The following CDKAL1 variants were observed in gnomAD, a reference collection of about 807,000 sequenced individuals.
CDKAL1 encodes CDKAL1 threonylcarbamoyladenosine tRNA methylthiotransferase, also known as threonylcarbamoyladenosine tRNA methylthiotransferase.
A neutral mutation model predicts 68.2 loss-of-function variants in CDKAL1; 32 were observed. That is an observed-to-expected ratio of 0.47 (90% CI 0.35 to 0.63). The LOEUF (loss-of-function observed/expected upper bound fraction) is 0.63. Ranked by LOEUF, CDKAL1 falls within the 30% of genes least tolerant of loss-of-function variation. The pLI, the probability that CDKAL1 is intolerant of heterozygous loss-of-function variation, is 0.00. For synonymous variants in CDKAL1, 234 were observed against 244.3 expected, an observed-to-expected ratio of 0.96 and a Z score of 0.39; for missense variants, 606 against 696.7, an observed-to-expected ratio of 0.87 and a Z score of 1.47.
intron 11 of CDKAL1, among the ~76,000 whole-genome samples, chr6:21,004,572 A>G (rs922562673): frequency 6.6e-6 from 1 of 152,208 alleles, no homozygotes; most frequent in Non-Finnish European, 1.5e-5. Flanking sequence ...TTTTATCTAA[A>G]TGGATAAGAT....
intron 5 of CDKAL1, among the ~76,000 whole-genome samples, chr6:20,684,177 C>T (rs1018504722): frequency 1.3e-5 from 2 of 152,190 alleles, no homozygotes; most frequent in Non-Finnish European, 2.9e-5. Flanking sequence ...TGTGTTGGCT[C>T]ATGCCTGTAA....
chr6:21,105,521 A>C (rs949584958), intron 12 of CDKAL1, among the ~76,000 whole-genome samples: 12 of 152,232 alleles, frequency 7.9e-5, no homozygotes, highest in Non-Finnish European at 1.5e-4. Context: ...GAGTGTGTAC[A>C]AATGATTTTA....
intron 11 of CDKAL1, among the ~76,000 whole-genome samples, chr6:21,004,496 A>C (rs1036717737): frequency 6.6e-6 from 1 of 152,238 alleles, no homozygotes; most frequent in Non-Finnish European, 1.5e-5. Flanking sequence ...ATGAGCAATC[A>C]TATGACTTAA....
At chr6:20,943,654 T>C (rs1351935593) in intron 9 of CDKAL1, among the ~76,000 whole-genome samples, 6 of 149,080 alleles carry the variant, frequency 4.0e-5, no homozygotes. Context: ...TATCTTCTTT[T>C]GTTTTTTTTT....
At chr6:21,168,519 A>G (rs539674662) in intron 13 of CDKAL1, among the ~76,000 whole-genome samples, 6 of 152,356 alleles carry the variant, frequency 3.9e-5, no homozygotes, top group Admixed American at 1.3e-4. Flanking sequence ...TCTTTTTTAT[A>G]TAATTGCACA....
rs143413103 is a variant in CDKAL1 at position 21,094,678 on chromosome 6, G to A, written c.1237-13723G>A. 8.1e-3 allele frequency among the ~76,000 whole-genome samples: 1,231 copies of A among 152,338 alleles called. 13 individuals are homozygous for A. Among genetic ancestry groups the A allele is most frequent in the African/African-American group, 0.028 (1,169 of 41,574 alleles). On this transcript the variant is annotated intron_variant, in intron 12 of 15. Transcript: ENST00000274695. ...AAAACATAAAAGTAAAGATGTTTAT[G>A]GTCTTGGTTGTTAGTGATAGAAGAA... is the stretch of plus-strand genomic sequence containing the variant.
chr6:20,544,552 C>T (rs374921074), intron 2 of CDKAL1, among the ~76,000 whole-genome samples: 22 of 135,992 alleles, frequency 1.6e-4, no homozygotes, highest in South Asian at 1.2e-3. Context: ...GTCGAGATCG[C>T]GCCACTGCAC....
chr6:20,749,022 A>C (rs1199759091), intron 6 of CDKAL1, among the ~76,000 whole-genome samples: 1 of 140,980 alleles, frequency 7.1e-6, no homozygotes, highest in African/African-American at 2.8e-5. Flanking sequence ...AAATGTATTC[A>C]CTTCTTTTAC....
intron 8 of CDKAL1, among the ~76,000 whole-genome samples, chr6:20,810,402 A>T (rs1471086864): frequency 6.2e-4 from 19 of 30,412 alleles, no homozygotes; most frequent in South Asian, 4.5e-3. Flanking sequence ...TCACACACAC[A>T]CACACACACA....
At position 20,539,375 on chromosome 6, in the gene CDKAL1, C is replaced by T. The variant is rs1014632540; in HGVS notation, c.-6+3981C>T. Among the ~76,000 whole-genome samples the T allele has an allele frequency of 3.3e-5, 5 of 152,004 alleles. No homozygotes were observed. The highest frequency in any genetic ancestry group is 2.1e-4 in the South Asian group (1 of 4,820). Reference sequence around the variant, plus strand: ...CCTCACACGAAAACCTTTACCCTCACGAAGTATGTATTCTAGTAAGATAAA... The same window carrying T: ...CCTCACACGAAAACCTTTACCCTCATGAAGTATGTATTCTAGTAAGATAAA... On this transcript the variant is annotated intron_variant, in intron 2 of 15. Coordinates refer to ENST00000274695, the MANE Select transcript of CDKAL1 (RefSeq NM_017774.3). The surrounding 1 kb of genome is among the most constrained non-coding windows in gnomAD (Gnocchi z 4.3).
intron 11 of CDKAL1, among the ~76,000 whole-genome samples, chr6:21,011,006 C>G (rs772912146): frequency 1.6e-4 from 24 of 146,020 alleles, no homozygotes; most frequent in Non-Finnish European, 3.1e-4. Context: ...GGTGTGAACC[C>G]GGGAGGTGGA....
At position 21,110,590 on chromosome 6, in the gene CDKAL1, C is replaced by T. The variant is rs115264036; in HGVS notation, c.1299+2127C>T. Among the ~76,000 whole-genome samples, 592 of 152,220 alleles carry T rather than the reference C, an allele frequency of 3.9e-3. 6 individuals carry two copies. Among genetic ancestry groups the T allele is most frequent in the African/African-American group, 0.014 (567 of 41,538 alleles). ...ATCTCATGCTCAGTGAGATTTCTGG[C>T]GTGATCCTTATGAAAATATATACAT... On this transcript the variant is annotated intron_variant, in intron 13 of 15. Coordinates refer to ENST00000274695, the MANE Select transcript of CDKAL1 (RefSeq NM_017774.3).
chr6:21,009,486 A>T (rs1767901104), intron 11 of CDKAL1, among the ~76,000 whole-genome samples: 1 of 152,222 alleles, frequency 6.6e-6, no homozygotes, highest in African/African-American at 2.4e-5. Context: ...TATGTGCTAC[A>T]GCAGTCCCAC....
chr6:20,920,850 C>T (rs995642380), intron 9 of CDKAL1, among the ~76,000 whole-genome samples: 5 of 152,114 alleles, frequency 3.3e-5, no homozygotes, highest in East Asian at 1.9e-4. Context: ...GAGATACTGG[C>T]CCAGTCATTT....
At chr6:21,081,016 CAT>C (rs1772366879) in intron 12 of CDKAL1, among the ~76,000 whole-genome samples, 1 of 152,154 alleles carries the variant, frequency 6.6e-6, no homozygotes. Context: ...AATGAGGAAT[CAT>C]ATATGCTTTG....
chr6:20,761,482 G>C (rs942963785), intron 7 of CDKAL1, among the ~76,000 whole-genome samples: 14 of 152,158 alleles, frequency 9.2e-5, no homozygotes, highest in African/African-American at 3.4e-4. Flanking sequence ...GTTTATAGTA[G>C]CTTTATTTGT....
intron 5 of CDKAL1, among the ~76,000 whole-genome samples, 168 bp downstream of exon 5, chr6:20,649,545 TTTTTTTA>T (rs1225035777): frequency 6.6e-6 from 1 of 152,170 alleles, no homozygotes; most frequent in Non-Finnish European, 1.5e-5. Flanking sequence ...AGAATGATGC[TTTTTTTA>T]TTTTTTATTT....
At chr6:20,860,719 G>A (rs1759570003) in intron 9 of CDKAL1, among the ~76,000 whole-genome samples, 1 of 151,936 alleles carries the variant, frequency 6.6e-6, no homozygotes, top group African/African-American at 2.4e-5. Flanking sequence ...AGCTACTCAG[G>A]AGACTGAGGC....
intron 11 of CDKAL1, among the ~76,000 whole-genome samples, chr6:21,020,458 T>A (rs772639531): frequency 5.9e-5 from 9 of 152,110 alleles, no homozygotes; most frequent in South Asian, 4.1e-4. Flanking sequence ...CTGTCTTTTT[T>A]ATTTTATTTA....
Sources: allele counts gnomAD v4.1 joint callset (sites outside exome capture counted in the v4.1 genomes callset), GRCh38; gene constraint gnomAD v4.1.1; non-coding constraint Gnocchi (gnomAD v3.1); transcripts MANE v1.5; gene names NCBI Gene and HGNC (gene_info 2026-07-23, HGNC 2026-07-21).